MYO3A: variants seen among roughly 807,000 people sequenced by gnomAD.
MYO3A encodes the protein myosin-IIIa.
A neutral mutation model predicts 192.7 loss-of-function variants in MYO3A; 180 were observed. The ratio of observed to expected loss-of-function variants is 0.93; its 90% CI spans 0.83 to 1.06. The LOEUF is 1.06. Among genes scored for constraint, MYO3A ranks in the 50% least tolerant of loss-of-function variants. MYO3A has a pLI of 0.00. For missense variants in MYO3A, 1,896 were observed against 1,905.0 expected (o/e 1.00, Z 0.09); for synonymous variants, 628 against 645.3 (o/e 0.97, Z 0.41).
intron 27 of MYO3A, among the ~76,000 whole-genome samples, chr10:26,168,110 T>A (rs1841853589): frequency 6.6e-6 from 1 of 152,128 alleles, no homozygotes; most frequent in Non-Finnish European, 1.5e-5. Context: ...AGCCTTTGGG[T>A]CCAGTGAGAA....
intron 20 of MYO3A, among the ~76,000 whole-genome samples, chr10:26,141,726 A>T (rs1248324502): frequency 1.3e-5 from 2 of 152,218 alleles, no homozygotes; most frequent in Non-Finnish European, 2.9e-5. Context: ...CAAATACAAA[A>T]GCTGTGAAAC....
chr10:25,936,284 A>C (rs1836059019), intron 2 of MYO3A, among the ~76,000 whole-genome samples: 1 of 152,052 alleles, frequency 6.6e-6, no homozygotes, highest in African/African-American at 2.4e-5. Context: ...TGTCAAATCC[A>C]AAATATTTGA....
intron 2 of MYO3A, among the ~76,000 whole-genome samples, chr10:25,946,840 T>C (rs1415330307): frequency 8.6e-6 from 1 of 116,346 alleles, no homozygotes; most frequent in Non-Finnish European, 1.6e-5. Flanking sequence ...ATCACACGAC[T>C]GCACTCTGGC....
intron 18 of MYO3A, among the ~76,000 whole-genome samples, chr10:26,125,078 T>G (rs985074107): frequency 1.3e-5 from 2 of 152,224 alleles, no homozygotes; most frequent in African/African-American, 2.4e-5. Context: ...TTTAAAATTA[T>G]TTAGCATAAT....
At chr10:26,154,697 T>C (rs1209217965) in intron 24 of MYO3A, 49 bp from the exon 25 acceptor site, 2 of 1,544,488 alleles carry the variant, frequency 1.3e-6, no homozygotes, top group East Asian at 2.3e-5. Context: ...CTGTAGATAA[T>C]AAAGTACAAT....
intron 10 of MYO3A, among the ~76,000 whole-genome samples, chr10:26,050,181 A>C (rs1843906579): frequency 6.6e-6 from 1 of 152,052 alleles, no homozygotes; most frequent in Admixed American, 6.6e-5. Context: ...TTCTTTTGCC[A>C]AGGAAGAGGA....
At position 25,954,999 on chromosome 10, in the gene MYO3A, G is replaced by A. The variant is rs753727365; in HGVS notation, c.294G>A (p.Leu98=). The A allele has an allele frequency of 6.8e-6, 11 of 1,612,862 alleles. No homozygotes were observed. The East Asian group carries it at 2.2e-4, about 33-fold the overall frequency. Reference sequence around the variant, plus strand: ...AAGTAAATGGAGACAAGCTGTGGTTGGTTCTTGAGGTAAGTGTGTCAGCAT... The same window carrying A: ...AAGTAAATGGAGACAAGCTGTGGTTAGTTCTTGAGGTAAGTGTGTCAGCAT... ...KDKVNGDKLW[L]VLELCSGGSV... Residue 98 remains leucine (L), a synonymous_variant, in exon 4 of 35, where the codon TTG becomes TTA. Transcript: ENST00000642920.
rs1838407956 is a variant in MYO3A at position 25,968,603 on chromosome 10, A to G, written c.303+13595A>G. 1.1e-4 allele frequency among the ~76,000 whole-genome samples: 17 copies of G among 152,362 alleles called. 1 individual carries two copies. In the South Asian group the frequency reaches 3.5e-3, roughly 32 times the overall value. On this transcript the variant is annotated intron_variant, in intron 4 of 34. Coordinates refer to ENST00000642920, the MANE Select transcript of MYO3A (RefSeq NM_017433.5). ...TTGTGAAGTTATAACCAGTGTAAAT[A>G]GCAAAGGGACAGAGGAGGAAAATTG...
rs756926993 is a variant in MYO3A, at chr10:26,096,557, A to AT, written c.1662-3dup. On this transcript the variant is annotated splice_polypyrimidine_tract_variant and intron_variant, in intron 16 of 34. Coordinates refer to ENST00000642920, the MANE Select transcript of MYO3A (RefSeq NM_017433.5). ...TTTAGACTTTTATCCTTCCTTTTAT[A>AT]TTTTTTTTAGGTACCTACAAAATGA... The AT allele has an allele frequency of 6.9e-6, 11 of 1,590,556 alleles. No individual in the cohort carries two copies. Among genetic ancestry groups the AT allele is most frequent in the African/African-American group, 1.3e-5 (1 of 74,158 alleles).
chr10:26,080,115 T>G (rs1191431553), intron 14 of MYO3A, among the ~76,000 whole-genome samples: 1 of 152,212 alleles, frequency 6.6e-6, no homozygotes, highest in Non-Finnish European at 1.5e-5. Context: ...CCCACAAATA[T>G]GTTTTCCAAG....
intron 27 of MYO3A, among the ~76,000 whole-genome samples, chr10:26,166,634 T>C (rs556671632): frequency 6.6e-6 from 1 of 152,370 alleles, no homozygotes; most frequent in Non-Finnish European, 1.5e-5. Flanking sequence ...GATTGTACTT[T>C]ACTTCAGATG....
At chr10:26,001,207 G>C (rs189296929) in intron 6 of MYO3A, among the ~76,000 whole-genome samples, 2 of 152,258 alleles carry the variant, frequency 1.3e-5, no homozygotes, top group East Asian at 3.9e-4. Context: ...CAGAATCTGC[G>C]GCATTCCTGT....
chr10:26,116,847 A>G (rs1838536794), intron 17 of MYO3A, among the ~76,000 whole-genome samples: 1 of 151,942 alleles, frequency 6.6e-6, no homozygotes, highest in African/African-American at 2.4e-5. Flanking sequence ...TAGCACTCCA[A>G]CCCCATTTGT....
chr10:25,936,664 CAAGT>C (rs558603407), intron 2 of MYO3A, among the ~76,000 whole-genome samples: 107 of 152,280 alleles, frequency 7.0e-4, no homozygotes, highest in Middle Eastern at 3.4e-3. Context: ...TTAGGAACCT[CAAGT>C]TGGGAAGCAT....
At chr10:26,150,959 A>G (rs893953011) in intron 23 of MYO3A, among the ~76,000 whole-genome samples, 30 of 152,160 alleles carry the variant, frequency 2.0e-4, no homozygotes, top group Admixed American at 9.2e-4. Context: ...ATAAGAGTTT[A>G]TAAGGTTTCC....
chr10:26,018,211 T>A, intron 7 of MYO3A, among the ~76,000 whole-genome samples: 1 of 152,024 alleles, frequency 6.6e-6, no homozygotes, highest in Non-Finnish European at 1.5e-5. Context: ...CTTTCTGGCT[T>A]AGCAAACTAA....
At chr10:25,952,064 T>A (rs1172046778) in intron 2 of MYO3A, 30 bp from the exon 3 acceptor site, 3 of 1,526,494 alleles carry the variant, frequency 2.0e-6, no homozygotes. Flanking sequence ...CTCAATCAAC[T>A]GTAGATGAAA....
chr10:26,102,602 G>A (rs1837532146), intron 17 of MYO3A, among the ~76,000 whole-genome samples: 1 of 152,120 alleles, frequency 6.6e-6, no homozygotes, highest in African/African-American at 2.4e-5. Context: ...CTTTCTATTT[G>A]TTGGCTTTCC....
chr10:26,070,962 C>T (rs144264687), intron 14 of MYO3A, among the ~76,000 whole-genome samples: 152 of 152,034 alleles, frequency 1.0e-3, no homozygotes, highest in African/African-American at 3.4e-3. Context: ...ATTATTAAGA[C>T]GTCAGTCTTC....
Sources: gnomAD v4.1 joint callset for allele counts (sites outside exome capture counted in the v4.1 genomes callset) on GRCh38, gnomAD v4.1.1 for gene constraint, MANE v1.5 for transcripts, NCBI Gene and HGNC (gene_info 2026-07-23, HGNC 2026-07-21) for gene names.